Variants in COPA observed in about 807,000 individuals in gnomAD.
The protein encoded by COPA is coat protein complex I subunit alpha.
Under a neutral mutation model 158.7 loss-of-function variants are expected in COPA, and 10 were observed. That is an observed-to-expected ratio of 0.06 (90% CI 0.04 to 0.11). The LOEUF is 0.11. COPA is among the 10% of genes least tolerant of loss of function. The pLI is 1.00. For missense variants in COPA, 1,065 were observed against 1,536.7 expected, an observed-to-expected ratio of 0.69 and a Z score of 5.13; for synonymous variants, 462 against 542.8, an observed-to-expected ratio of 0.85 and a Z score of 2.07.
At chr1:160,293,537 T>C (rs1489430160) in intron 25 of COPA, 74 bp from the exon 26 acceptor site, 3 of 1,146,718 alleles carry the variant, frequency 2.6e-6, no homozygotes, top group Non-Finnish European at 3.7e-6. Flanking sequence ...CTCTGTCACC[T>C]AGACTGGAGT....
rs1312536678 is a variant in COPA at position 160,312,015 on chromosome 1, T to C, written c.929A>G (p.His310Arg). Residue 310 changes from histidine (H) to arginine (R), a missense_variant, in exon 11 of 33, where the codon CAT (histidine) becomes CGT (arginine). By Grantham distance (29) the His-to-Arg change is conservative (BLOSUM62 0). Coordinates refer to ENST00000241704, the MANE Select transcript of COPA (RefSeq NM_004371.4). The part of the protein sequence containing the change: ...HPNLNLFAAG[H>R]DGGMIVFKLE... ...CTTAAACACAATCATACCACCATCA[T>C]GGCCTGGGGGACAGGGAGAGGAGGA... The C allele has an allele frequency of 6.2e-7, 1 of 1,613,226 alleles. No homozygotes were observed. The highest frequency in any genetic ancestry group is 1.7e-5 in the Admixed American group (1 of 59,918).
At chr1:160,314,839 C>T (rs567592524) in intron 8 of COPA, among the ~76,000 whole-genome samples, 323 of 152,106 alleles carry the variant, frequency 2.1e-3, no homozygotes, top group African/African-American at 6.9e-3. Context: ...ATCTCCAGAG[C>T]CTTAAACAAA....
At chr1:160,323,940 C>T (rs1025295114) in intron 7 of COPA, among the ~76,000 whole-genome samples, 2 of 151,824 alleles carry the variant, frequency 1.3e-5, no homozygotes, top group Non-Finnish European at 2.9e-5. Flanking sequence ...CAGCTCACTG[C>T]AACCTCTGCC....
At chr1:160,304,054 G>A (rs1658700729) in intron 17 of COPA, among the ~76,000 whole-genome samples, 1 of 151,734 alleles carries the variant, frequency 6.6e-6, no homozygotes, top group African/African-American at 2.4e-5. Context: ...TTCGCTCGTT[G>A]CCCAGGCTGG....
At chr1:160,325,870 A>G (rs1447525064) in intron 6 of COPA, among the ~76,000 whole-genome samples, 1 of 152,204 alleles carries the variant, frequency 6.6e-6, no homozygotes, top group East Asian at 1.9e-4. Flanking sequence ...ACTTAAACAG[A>G]TCCATTACTG....
rs573620060 is a variant in COPA, at chr1:160,314,908, T to C, written c.707-783A>G. ...GTCAAATGAATGGATGAATTCTATG[T>C]TCATACTCCTCAAAATAAGGGTACC... On this transcript the variant is annotated intron_variant, in intron 8 of 32. Coordinates refer to ENST00000241704, the MANE Select transcript of COPA (RefSeq NM_004371.4). Among the ~76,000 whole-genome samples the C allele has an allele frequency of 3.9e-5, 6 of 152,228 alleles. No individual in the cohort carries two copies. The East Asian group carries it at 1.2e-3, about 29-fold the overall frequency.
chr1:160,316,132 G>A (rs1373259532), intron 8 of COPA, among the ~76,000 whole-genome samples: 3 of 152,148 alleles, frequency 2.0e-5, no homozygotes, highest in Non-Finnish European at 4.4e-5. Context: ...GGCCGAGGTG[G>A]GTGGATCACA....
At chr1:160,314,219 C>T (rs541194908) in intron 8 of COPA, 94 bp from the exon 9 acceptor site, 4 of 1,350,986 alleles carry the variant, frequency 3.0e-6, no homozygotes, top group Admixed American at 2.4e-5. Context: ...GAACTAAGTA[C>T]TATTACAGAA....
chr1:160,305,203 T>A (rs1396826711), intron 17 of COPA: 3 of 455,578 alleles, frequency 6.6e-6, no homozygotes, highest in Non-Finnish European at 1.2e-5. Flanking sequence ...GTTCACTACA[T>A]AACTTATTTG....
chr1:160,309,470 C>T (rs926490100), intron 12 of COPA, among the ~76,000 whole-genome samples: 116 of 151,822 alleles, frequency 7.6e-4, no homozygotes, highest in African/African-American at 2.6e-3. Flanking sequence ...CAGACTAGGA[C>T]CCTGATATTC....
intron 21 of COPA, 113 bp downstream of exon 21, chr1:160,297,230 A>T (rs1658445133): frequency 2.1e-6 from 2 of 941,410 alleles, no homozygotes; most frequent in Non-Finnish European, 3.3e-6. Flanking sequence ...TGTCTCTCCT[A>T]AAAAAATGCA....
intron 17 of COPA, among the ~76,000 whole-genome samples, chr1:160,302,240 T>C (rs1658631892): frequency 6.6e-6 from 1 of 152,088 alleles, no homozygotes; most frequent in African/African-American, 2.4e-5. Context: ...TTTCTAAATA[T>C]CAACAAAATT....
intron 4 of COPA, among the ~76,000 whole-genome samples, chr1:160,334,165 C>A (rs1211005252): frequency 6.6e-6 from 1 of 152,154 alleles, no homozygotes; most frequent in Non-Finnish European, 1.5e-5. Flanking sequence ...TTTTTGGAGT[C>A]TATAAGATTG....
chr1:160,343,101 C>A, intron 1 of COPA, 30 bp downstream of exon 1: 1 of 1,614,096 alleles, frequency 6.2e-7, no homozygotes, highest in Middle Eastern at 1.6e-4. Flanking sequence ...GACATCCAAC[C>A]TCCATGTTCC....
At chr1:160,320,827 G>A (rs1186835583) in intron 8 of COPA, among the ~76,000 whole-genome samples, 3 of 146,604 alleles carry the variant, frequency 2.0e-5, no homozygotes, top group Admixed American at 2.0e-4. Context: ...GGAAGAGGAG[G>A]GAATATTTTC....
In COPA at chr1:160,294,802, G is replaced by A; in HGVS notation, c.2532C>T (p.Gly844=). ...DIDIDTVGTE[G]WGEDAELQLD... ...ACTGCAGCTCTGCATCCTCTCCCCAGCCCTCTGTACCAACAGTGTCAATGT... is the reference window on the plus strand; with the variant it reads ...ACTGCAGCTCTGCATCCTCTCCCCAACCCTCTGTACCAACAGTGTCAATGT... The change falls in exon 24 of 33, where the codon GGC becomes GGT. Residue 844 remains glycine (G), a synonymous_variant. Transcript: ENST00000241704. 1 of 1,614,066 alleles carries A rather than the reference G, an allele frequency of 6.2e-7. No individual in the cohort carries two copies. Among genetic ancestry groups the A allele is most frequent in the Non-Finnish European group, 8.5e-7 (1 of 1,180,004 alleles).
At chr1:160,340,125 C>T in intron 2 of COPA, 56 bp downstream of exon 2, 1 of 1,486,416 alleles carries the variant, frequency 6.7e-7, no homozygotes, top group African/African-American at 1.4e-5. Flanking sequence ...GCTTAAAATA[C>T]CCCAGGATAT....
intron 17 of COPA, among the ~76,000 whole-genome samples, chr1:160,302,800 C>A (rs1416919241): frequency 3.3e-5 from 5 of 151,830 alleles, no homozygotes. Context: ...GTGATCCACC[C>A]GCCTCAGCCT....
At chr1:160,311,818 T>G in intron 11 of COPA, 50 bp downstream of exon 11, 1 of 1,538,326 alleles carries the variant, frequency 6.5e-7, no homozygotes, top group Non-Finnish European at 8.8e-7. Flanking sequence ...GGGAGTTGTA[T>G]CAGGGTGACA....
Sources: allele counts gnomAD v4.1 joint callset (sites outside exome capture counted in the v4.1 genomes callset), GRCh38; gene constraint gnomAD v4.1.1; transcripts MANE v1.5; gene names NCBI Gene and HGNC (gene_info 2026-07-23, HGNC 2026-07-21).